The following SPEF2 variants were observed in gnomAD, a reference collection of about 807,000 sequenced individuals.
The protein encoded by SPEF2 is sperm flagella and cilia-associated protein 2.
In SPEF2, 187 loss-of-function variants were observed where a neutral mutation model predicts 224.6. The observed-to-expected ratio is 0.83, with a 90% CI of 0.74 to 0.94. SPEF2 has a LOEUF of 0.94. Among genes scored for constraint, SPEF2 ranks in the 40% least tolerant of loss-of-function variants. SPEF2 has a pLI of 0.00. For synonymous variants in SPEF2, 715 were observed against 707.3 expected, an observed-to-expected ratio of 1.01 and a Z score of -0.17; for missense variants, 2,170 against 2,135.6, an observed-to-expected ratio of 1.02 and a Z score of -0.32.
At chr5:35,785,667 G>T (rs927207306) in intron 30 of SPEF2, among the ~76,000 whole-genome samples, 22 of 151,046 alleles carry the variant, frequency 1.5e-4, no homozygotes, top group Non-Finnish European at 2.8e-4. Context: ...CCAAGTAGCT[G>T]AGACTACAGG....
Position 35,700,536 on chromosome 5 carries a change from C to G in SPEF2, c.2182C>G (p.Pro728Ala), listed in dbSNP as rs1240337167. 6.2e-7 allele frequency: 1 copy of G among 1,613,380 alleles called. No individual in the cohort carries two copies. Among genetic ancestry groups the G allele is most frequent in the Non-Finnish European group, 8.5e-7 (1 of 1,179,828 alleles). Residue 728 changes from proline (P) to alanine (A), a missense_variant, in exon 16 of 37, where the codon CCA (proline) becomes GCA (alanine). By Grantham distance (27) the Pro-to-Ala change is conservative (BLOSUM62 -1). Coordinates refer to ENST00000356031, the MANE Select transcript of SPEF2 (RefSeq NM_024867.4). ...TCAAGACTGTATCCTAGATGGTTTTCCAATGACTTTAAACCAAGCACAGCT... is the reference window on the plus strand; with the variant it reads ...TCAAGACTGTATCCTAGATGGTTTTGCAATGACTTTAAACCAAGCACAGCT... ...VNQDCILDGF[P>A]MTLNQAQLLE...
In SPEF2 at chr5:35,810,102, T is replaced by C. The variant is rs919274029; in HGVS notation, c.5379+2849T>C. Among the ~76,000 whole-genome samples the C allele has an allele frequency of 5.9e-5, 9 of 152,202 alleles. 1 individual carries two copies. The highest frequency in any genetic ancestry group is 5.9e-4 in the Admixed American group (9 of 15,282). ...GATGAACTTGCAAAGAAGATTCTATTTGACAATTTGCTTGAGAAAAGAAAA... is the reference window on the plus strand; with the variant it reads ...GATGAACTTGCAAAGAAGATTCTATCTGACAATTTGCTTGAGAAAAGAAAA... On this transcript the variant is annotated intron_variant, in intron 36 of 36. Coordinates refer to ENST00000356031, the MANE Select transcript of SPEF2 (RefSeq NM_024867.4).
rs1277356475 is a variant in SPEF2, at chr5:35,806,770, G to A, written c.5074G>A (p.Glu1692Lys). ...TGAACCTGAGGAAAATGCTGCAAGA[G>A]AAGAAAGGAAATTAAAAGACGACAC... Reference protein sequence around the residue: ...FPEPEENAAREERKLKDDTEK... With the variant: ...FPEPEENAARKERKLKDDTEK... Residue 1692 changes from glutamate (E) to lysine (K), a missense_variant, in exon 35 of 37, where the codon GAA (glutamate) becomes AAA (lysine). Transcript: ENST00000356031. 1.9e-6 allele frequency: 3 copies of A among 1,613,982 alleles called. No individual in the cohort carries two copies. Among genetic ancestry groups the A allele is most frequent in the Non-Finnish European group, 1.7e-6 (2 of 1,179,974 alleles).
rs182694926 is a variant in SPEF2 at position 35,720,594 on chromosome 5, G to A, written c.2915-7081G>A. ...GGTAGTTACAGTTAGAAACATGATT[G>A]ACAAAGAAGTTTGGTTTTCTCCACG... On this transcript the variant is annotated intron_variant, in intron 20 of 36. Coordinates refer to ENST00000356031, the MANE Select transcript of SPEF2 (RefSeq NM_024867.4). Among the ~76,000 whole-genome samples, 435 of 152,288 alleles carry A rather than the reference G, an allele frequency of 2.9e-3. 1 individual carries two copies. The highest frequency in any genetic ancestry group is 4.9e-3 in the Non-Finnish European group (330 of 68,006).
chr5:35,753,279 T>TC (rs1305067132), intron 23 of SPEF2, among the ~76,000 whole-genome samples: 1 of 151,846 alleles, frequency 6.6e-6, no homozygotes, highest in Non-Finnish European at 1.5e-5. Flanking sequence ...AATTGCCATT[T>TC]CCCCCCCAAA....
intron 20 of SPEF2, among the ~76,000 whole-genome samples, chr5:35,725,394 A>C (rs1164616708): frequency 6.6e-6 from 1 of 152,190 alleles, no homozygotes; most frequent in Non-Finnish European, 1.5e-5. Flanking sequence ...TTTGCAACAG[A>C]AAGGTAAAAA....
rs754835663 is a variant in SPEF2 at position 35,776,391 on chromosome 5, G to T, written c.4213G>T (p.Ala1405Ser). The change falls in exon 29 of 37, where the codon GCC becomes TCC. Residue 1405 changes from alanine to serine, a missense_variant. Ala to Ser is a moderately conservative substitution (Grantham distance 99, BLOSUM62 1). Transcript: ENST00000356031. ...WLGERYLNEM[A>S]STEKLTDVAR... ...TGGTGAGAGGTATTTGAATGAAATG[G>T]CCAGGTAAAGTACTACATGACTTTC... 6 of 1,607,700 alleles carry T rather than the reference G, an allele frequency of 3.7e-6. No individual in the cohort carries two copies. The Admixed American group carries it at 8.6e-5, about 23-fold the overall frequency.
intron 8 of SPEF2, among the ~76,000 whole-genome samples, chr5:35,664,698 AAGAGAG>A (rs3069747): frequency 1.4e-5 from 2 of 138,920 alleles, no homozygotes; most frequent in Non-Finnish European, 3.1e-5. Flanking sequence ...GAAGGGAAAG[AAGAGAG>A]AGAGAGAGAG....
chr5:35,640,812 C>T (rs1020326968), intron 2 of SPEF2, among the ~76,000 whole-genome samples: 1 of 152,120 alleles, frequency 6.6e-6, no homozygotes, highest in Non-Finnish European at 1.5e-5. Flanking sequence ...AACATGAATT[C>T]AAGATATTGC....
chr5:35,758,756 A>G (rs1242135436), intron 24 of SPEF2, among the ~76,000 whole-genome samples: 1 of 152,180 alleles, frequency 6.6e-6, no homozygotes, highest in African/African-American at 2.4e-5. Context: ...CTGTAATCCC[A>G]GCACTTTGGG....
At chr5:35,634,067 T>G (rs761729052) in intron 2 of SPEF2, among the ~76,000 whole-genome samples, 6 of 152,132 alleles carry the variant, frequency 3.9e-5, no homozygotes, top group Non-Finnish European at 4.4e-5. Context: ...AAAAATATAT[T>G]TAAACTATTT....
At chr5:35,694,758 A>G (rs1439305552) in intron 13 of SPEF2, among the ~76,000 whole-genome samples, 1 of 152,178 alleles carries the variant, frequency 6.6e-6, no homozygotes, top group Non-Finnish European at 1.5e-5. Context: ...ATTGTATTGC[A>G]GAAGGCTGTA....
At chr5:35,712,610 A>T (rs1741391994) in intron 19 of SPEF2, among the ~76,000 whole-genome samples, 1 of 152,216 alleles carries the variant, frequency 6.6e-6, no homozygotes, top group Admixed American at 6.5e-5. Flanking sequence ...TAATGCTGCT[A>T]TTAGAGCTAT....
chr5:35,704,559 G>T lies in SPEF2; in HGVS notation c.2404G>T (p.Glu802Ter), dbSNP rs774991625. The T allele has an allele frequency of 1.2e-6, 2 of 1,604,968 alleles. No homozygotes were observed. The highest frequency in any genetic ancestry group is 2.2e-5 in the East Asian group (1 of 44,710). ...MSRMNDIIAE[E>*]LSYKTAHEDI... The stretch of plus-strand genomic sequence containing the variant: ...AAATAAATTTTATACCATAGCTGAA[G>T]AATTGTCCTATAAAACTGCTCACGA... The change falls in exon 17 of 37, where the codon GAA (glutamate) becomes TAA (stop). Residue 802 changes from glutamate (E) to a stop codon, truncating the protein, a stop_gained. Coordinates refer to ENST00000356031, the MANE Select transcript of SPEF2 (RefSeq NM_024867.4). LOFTEE classifies it high-confidence loss of function.
chr5:35,652,204 G>T (rs1748291276), intron 6 of SPEF2, among the ~76,000 whole-genome samples: 1 of 151,832 alleles, frequency 6.6e-6, no homozygotes, highest in South Asian at 2.1e-4. Context: ...ATAATGTGTA[G>T]TTTTTTTTCA....
chr5:35,695,927 A>G (rs1580321611), intron 14 of SPEF2, 131 bp downstream of exon 14: 5 of 589,452 alleles, frequency 8.5e-6, no homozygotes, highest in Middle Eastern at 4.6e-4. Context: ...ATTTGATGGT[A>G]TAATATTAGC....
At chr5:35,776,422 A>G in intron 29 of SPEF2, 27 bp downstream of exon 29, 3 of 1,584,906 alleles carry the variant, frequency 1.9e-6, no homozygotes, top group Non-Finnish European at 2.6e-6. Flanking sequence ...CTTTCTGAAA[A>G]TATGCTTTGT....
intron 11 of SPEF2, among the ~76,000 whole-genome samples, chr5:35,691,602 G>A (rs773221573): frequency 1.1e-4 from 17 of 152,136 alleles, no homozygotes; most frequent in Admixed American, 9.2e-4. Flanking sequence ...GTCAGGGGTA[G>A]GGGAATGAGG....
chr5:35,639,443 A>C (rs1013158276), intron 2 of SPEF2, among the ~76,000 whole-genome samples: 5 of 152,064 alleles, frequency 3.3e-5, no homozygotes, highest in African/African-American at 7.2e-5. Context: ...TCATAGCCTA[A>C]TTTTTAGGCA....
Sources: gnomAD v4.1 joint callset for allele counts (sites outside exome capture counted in the v4.1 genomes callset) on GRCh38, gnomAD v4.1.1 for gene constraint, MANE v1.5 for transcripts, NCBI Gene and HGNC (gene_info 2026-07-23, HGNC 2026-07-21) for gene names.